ANXA11: variants seen among roughly 807,000 people sequenced by gnomAD.
The protein encoded by ANXA11 is annexin A11.
A neutral mutation model predicts 64.7 loss-of-function variants in ANXA11; 57 were observed. The observed-to-expected ratio is 0.88, with a 90% CI of 0.71 to 1.10. ANXA11 has a LOEUF of 1.10. Among genes scored for constraint, ANXA11 ranks in the 50% least tolerant of loss-of-function variants. ANXA11 has a pLI of 0.00. For missense variants in ANXA11, 675 were observed against 670.7 expected (o/e 1.01, Z -0.07); for synonymous variants, 260 against 265.2 (o/e 0.98, Z 0.19).
intron 9 of ANXA11, 31 bp downstream of exon 9, chr10:80,164,022 A>T (rs777390220): frequency 2.5e-6 from 4 of 1,579,298 alleles, no homozygotes; most frequent in Non-Finnish European, 3.5e-6. Context: ...TGCAGAGGGC[A>T]GAGGGCAGAG....
intron 1 of ANXA11, among the ~76,000 whole-genome samples, chr10:80,180,116 T>C (rs1669320781): frequency 6.6e-6 from 1 of 152,150 alleles, no homozygotes; most frequent in South Asian, 2.1e-4. Flanking sequence ...CTCCACAGGC[T>C]CTAAAAGGGT....
chr10:80,172,122 T>G (rs1220028405), intron 3 of ANXA11, among the ~76,000 whole-genome samples: 1 of 152,132 alleles, frequency 6.6e-6, no homozygotes, highest in Non-Finnish European at 1.5e-5. Context: ...TGACCAGCCT[T>G]GGAATGACCC....
intron 1 of ANXA11, among the ~76,000 whole-genome samples, chr10:80,183,733 G>A (rs544827924): frequency 1.1e-3 from 173 of 152,326 alleles, no homozygotes; most frequent in African/African-American, 3.9e-3. Flanking sequence ...CCTCCTCCAA[G>A]GGCAAAAGGA....
chr10:80,204,343 G>A (rs1390816872), intron 1 of ANXA11, among the ~76,000 whole-genome samples: 1 of 152,228 alleles, frequency 6.6e-6, no homozygotes, highest in East Asian at 1.9e-4. Flanking sequence ...CGCATAAAAG[G>A]AATGAGGAAA....
At chr10:80,177,323 T>C (rs1441161929) in intron 1 of ANXA11, among the ~76,000 whole-genome samples, 1 of 152,208 alleles carries the variant, frequency 6.6e-6, no homozygotes, top group East Asian at 1.9e-4. Flanking sequence ...ACGCCCCAGG[T>C]ATGGTCTGAA....
At position 80,164,152 on chromosome 10, in the gene ANXA11, G is replaced by A; in HGVS notation, c.859-9C>T. The A allele has an allele frequency of 6.2e-7, 1 of 1,611,922 alleles. No homozygotes were observed. Among genetic ancestry groups the A allele is most frequent in the Non-Finnish European group, 8.5e-7 (1 of 1,178,146 alleles). ...TCATCAGTGCCAACCCCCTGCAGGG[G>A]CAGAGAATACAACCAACCATGTGCT... On this transcript the variant is annotated splice_polypyrimidine_tract_variant and intron_variant, in intron 8 of 15. Transcript: ENST00000422982.
chr10:80,178,318 C>G (rs1359712740), intron 1 of ANXA11, among the ~76,000 whole-genome samples: 2 of 152,234 alleles, frequency 1.3e-5, no homozygotes, highest in Non-Finnish European at 2.9e-5. Context: ...ATGCTTCACA[C>G]TGCTGGTGCA....
chr10:80,186,422 A>G (rs2132467019), intron 1 of ANXA11, among the ~76,000 whole-genome samples: 1 of 152,170 alleles, frequency 6.6e-6, no homozygotes, highest in East Asian at 1.9e-4. Flanking sequence ...TAGAGAAAGC[A>G]CCAACAGGAA....
chr10:80,158,878 G>A (rs558314065), intron 13 of ANXA11, among the ~76,000 whole-genome samples: 7 of 152,242 alleles, frequency 4.6e-5, no homozygotes, highest in South Asian at 2.1e-4. Flanking sequence ...GAGCTGCACC[G>A]CAAACACACA....
chr10:80,204,714 G>A (rs1184271289), intron 1 of ANXA11: 1 of 152,558 alleles, frequency 6.6e-6, no homozygotes, highest in Non-Finnish European at 1.5e-5. Context: ...GGAGATACAA[G>A]TCCAGGAATC....
In ANXA11 at chr10:80,187,741, C is replaced by T. The variant is rs144453693; in HGVS notation, c.-57-11586G>A. ...AGCAGAGGGAGCTTCTGCCAGGGCC[C>T]GCCTAGGAGGGACCAGCAAAACAAT... On this transcript the variant is annotated intron_variant, in intron 1 of 15. Coordinates refer to ENST00000422982, the MANE Select transcript of ANXA11 (RefSeq NM_145868.2). Among the ~76,000 whole-genome samples the T allele has an allele frequency of 3.4e-3, 515 of 152,206 alleles. 4 individuals are homozygous for T. Among genetic ancestry groups the T allele is most frequent in the African/African-American group, 0.011 (471 of 41,530 alleles).
chr10:80,176,981 C>CTT (rs10699670), intron 1 of ANXA11, among the ~76,000 whole-genome samples: 6,577 of 140,162 alleles, frequency 0.047, 207 homozygotes, highest in Non-Finnish European at 0.067. Context: ...CTGCTCCCCA[C>CTT]TTTTTTTTTT....
At chr10:80,199,095 CTTTTTT>C (rs71482767) in intron 1 of ANXA11, among the ~76,000 whole-genome samples, 2 of 133,508 alleles carry the variant, frequency 1.5e-5, no homozygotes, top group African/African-American at 5.7e-5. Flanking sequence ...TCAAGATAAA[CTTTTTT>C]TTTTTTTTTT....
rs748458465 is a variant in ANXA11 at position 80,166,953 on chromosome 10, C to T, written c.681G>A (p.Leu227=). ...GCCGCTGCTTGTTGGAGCGACTCCC[C>T]AGGCAGTCAATGATGGCCTGCTCAT... ...GTDEQAIIDC[L]GSRSNKQRQQ... is the part of the protein sequence containing the mutation. Residue 227 remains leucine, a synonymous_variant, in exon 7 of 16, where the codon CTG becomes CTA. Coordinates refer to ENST00000422982, the MANE Select transcript of ANXA11 (RefSeq NM_145868.2). 13 of 1,607,612 alleles carry T rather than the reference C, an allele frequency of 8.1e-6. No homozygotes were observed. The highest frequency in any genetic ancestry group is 1.1e-5 in the Non-Finnish European group (13 of 1,177,726).
intron 6 of ANXA11, 29 bp downstream of exon 6, chr10:80,167,197 T>C (rs763108239): frequency 3.7e-6 from 6 of 1,606,086 alleles, no homozygotes; most frequent in Middle Eastern, 1.8e-4. Context: ...GGGCAGGGAG[T>C]AGGATTTGAG....
intron 2 of ANXA11, among the ~76,000 whole-genome samples, chr10:80,175,307 G>A (rs1846130226): frequency 6.6e-6 from 1 of 152,182 alleles, no homozygotes; most frequent in African/African-American, 2.4e-5. Context: ...CAGGTGAGCA[G>A]GAAGAGCCGG....
At chr10:80,189,729 G>A (rs546506167) in intron 1 of ANXA11, among the ~76,000 whole-genome samples, 6 of 152,222 alleles carry the variant, frequency 3.9e-5, no homozygotes, top group South Asian at 2.1e-4. Context: ...ACAAAGTTTC[G>A]GACTTTGGAA....
Position 80,205,394 on chromosome 10 carries a change from T to G in ANXA11, c.-109A>C, listed in dbSNP as rs1564632371. ...GGGCGAAATGGGACGTGGGCGGGAG[T>G]GGCTCTCTCCGCGGGCGTCCCGGGC... On this transcript the variant is annotated 5_prime_UTR_variant, in exon 1 of 16. Coordinates refer to ENST00000422982, the MANE Select transcript of ANXA11 (RefSeq NM_145868.2). The G allele has an allele frequency of 6.6e-6, 1 of 151,328 alleles. No individual in the cohort carries two copies. Among genetic ancestry groups the G allele is most frequent in the Non-Finnish European group, 1.5e-5 (1 of 67,952 alleles). 9.4% of individuals were successfully genotyped at this position (151,328 alleles called of 1,614,324 possible).
intron 1 of ANXA11, among the ~76,000 whole-genome samples, chr10:80,191,031 G>T (rs1176745474): frequency 6.6e-6 from 1 of 151,956 alleles, no homozygotes; most frequent in Non-Finnish European, 1.5e-5. Flanking sequence ...CTTGAGACCA[G>T]CCTGGCCAAC....
Sources: allele counts gnomAD v4.1 joint callset (sites outside exome capture counted in the v4.1 genomes callset), GRCh38; gene constraint gnomAD v4.1.1; transcripts MANE v1.5; gene names NCBI Gene and HGNC (gene_info 2026-07-23, HGNC 2026-07-21).